The following SETBP1 variants were observed in gnomAD, a reference collection of about 807,000 sequenced individuals.
The protein encoded by SETBP1 is SET binding protein 1, also known as SET-binding protein.
SETBP1 carries 9 observed loss-of-function variants against 101.0 expected under a neutral mutation model. The observed-to-expected ratio is 0.09, with a 90% CI of 0.05 to 0.16. The LOEUF is 0.16. SETBP1 is among the 10% of genes least tolerant of loss of function. The pLI, the probability that SETBP1 is intolerant of heterozygous loss-of-function variation, is 1.00. For missense variants in SETBP1, 1,858 were observed against 2,033.8 expected, an observed-to-expected ratio of 0.91 and a Z score of 1.66; for synonymous variants, 818 against 788.5, an observed-to-expected ratio of 1.04 and a Z score of -0.63.
At chr18:44,915,453 C>T (rs2070404808) in intron 3 of SETBP1, among the ~76,000 whole-genome samples, 1 of 152,160 alleles carries the variant, frequency 6.6e-6, no homozygotes, top group Admixed American at 6.5e-5. Flanking sequence ...CTAAACACCA[C>T]GGGAATATAA....
intron 3 of SETBP1, among the ~76,000 whole-genome samples, chr18:44,932,308 G>A (rs891626102): frequency 1.1e-4 from 16 of 152,188 alleles, no homozygotes; most frequent in African/African-American, 2.7e-4. Flanking sequence ...TGAGAGATCC[G>A]CTGTTAGTCT....
At chr18:44,680,286 TCATCGCCATGGAGTTGCCG>T (rs1177439768), upstream of SETBP1, 1 of 149,470 alleles carries the variant, frequency 6.7e-6, no homozygotes, top group Non-Finnish European at 1.5e-5. Context: ...TGACAGATGC[TCATCGCCATGGAGTTGCCG>T]CAGCAGCACC....
At chr18:44,788,481 G>T (rs151284877) in intron 2 of SETBP1, among the ~76,000 whole-genome samples, 20 of 152,336 alleles carry the variant, frequency 1.3e-4, no homozygotes, top group African/African-American at 4.6e-4. Context: ...GGTTCTCATT[G>T]TGTTAACTTT....
At chr18:44,706,922 T>G (rs1478556248) in intron 2 of SETBP1, among the ~76,000 whole-genome samples, 2 of 152,162 alleles carry the variant, frequency 1.3e-5, no homozygotes. Context: ...AGAGGAAGAT[T>G]TTAGAAGAAA....
chr18:44,974,491 C>A (rs374370910), intron 4 of SETBP1, among the ~76,000 whole-genome samples: 8 of 152,264 alleles, frequency 5.3e-5, no homozygotes, highest in African/African-American at 1.9e-4. Flanking sequence ...TTCACCCTCA[C>A]CTGCTATGGT....
At chr18:44,726,157 C>T (rs1347035212) in intron 2 of SETBP1, among the ~76,000 whole-genome samples, 1 of 152,194 alleles carries the variant, frequency 6.6e-6, no homozygotes, top group Non-Finnish European at 1.5e-5. Context: ...GAAACCCTTA[C>T]ATAATTTTTA....
In SETBP1 at chr18:45,033,265, G is replaced by A. The variant is rs545071371; in HGVS notation, c.4001-5220G>A. Among the ~76,000 whole-genome samples, 257 of 152,308 alleles carry A rather than the reference G, an allele frequency of 1.7e-3. 1 individual carries two copies. Among genetic ancestry groups the A allele is most frequent in the African/African-American group, 6.0e-3 (250 of 41,568 alleles). ...CAAAAGTCTACTTGTTATAGGGAAA[G>A]AAAGAACATTGAATTAAGTCAAGAA... On this transcript the variant is annotated intron_variant, in intron 4 of 5. Coordinates refer to ENST00000649279, the MANE Select transcript of SETBP1 (RefSeq NM_015559.3).
intron 4 of SETBP1, among the ~76,000 whole-genome samples, chr18:44,999,041 C>T (rs1466302119): frequency 1.3e-5 from 2 of 152,178 alleles, no homozygotes; most frequent in South Asian, 4.1e-4. Flanking sequence ...CCTGATCATC[C>T]TTCTGGCCTC....
intron 4 of SETBP1, among the ~76,000 whole-genome samples, chr18:44,984,836 A>G (rs186341251): frequency 1.8e-4 from 27 of 152,318 alleles, no homozygotes; most frequent in African/African-American, 5.3e-4. Flanking sequence ...TTAAGTTTAC[A>G]TAATTCAAAG....
At chr18:44,681,971 A>T (rs528753017) in intron 1 of SETBP1, among the ~76,000 whole-genome samples, 1 of 152,176 alleles carries the variant, frequency 6.6e-6, no homozygotes, top group East Asian at 1.9e-4. Context: ...CCTCCTGCCA[A>T]CTATCCACAC....
At chr18:44,911,571 C>G (rs2070309733) in intron 3 of SETBP1, among the ~76,000 whole-genome samples, 1 of 152,208 alleles carries the variant, frequency 6.6e-6, no homozygotes, top group Non-Finnish European at 1.5e-5. Context: ...AGCATTTTAT[C>G]CAAGTTATAG....
chr18:44,855,283 GTTT>G (rs1285371188), intron 2 of SETBP1, among the ~76,000 whole-genome samples: 2 of 151,564 alleles, frequency 1.3e-5, no homozygotes, highest in African/African-American at 2.4e-5. Flanking sequence ...TCGTTTTGGG[GTTT>G]TTATTTGTTT....
intron 2 of SETBP1, among the ~76,000 whole-genome samples, chr18:44,720,186 C>T (rs1053948254): frequency 6.6e-6 from 1 of 152,178 alleles, no homozygotes; most frequent in Non-Finnish European, 1.5e-5. Context: ...TCCCTAACCA[C>T]CTGTGTTTCC....
chr18:44,984,933 G>A (rs2072196797), intron 4 of SETBP1, among the ~76,000 whole-genome samples: 1 of 152,158 alleles, frequency 6.6e-6, no homozygotes, highest in Admixed American at 6.5e-5. Context: ...CTGAGGTCAG[G>A]AGTTCGAGAC....
At chr18:44,917,115 C>T (rs1261907990) in intron 3 of SETBP1, among the ~76,000 whole-genome samples, 2 of 152,224 alleles carry the variant, frequency 1.3e-5, no homozygotes, top group African/African-American at 4.8e-5. Context: ...AGAGAACCTC[C>T]TGAATGTCCC....
intron 1 of SETBP1, among the ~76,000 whole-genome samples, chr18:44,696,968 C>G (rs1283748812): frequency 2.0e-5 from 3 of 152,224 alleles, no homozygotes; most frequent in Non-Finnish European, 4.4e-5. Flanking sequence ...CAATCCTCCT[C>G]CACTCCCAGC....
intron 2 of SETBP1, among the ~76,000 whole-genome samples, chr18:44,702,972 T>C (rs796884222): frequency 2.0e-5 from 3 of 152,356 alleles, no homozygotes; most frequent in African/African-American, 7.2e-5. Context: ...TGGTTGGTGG[T>C]GTCAATTGGT....
intron 2 of SETBP1, among the ~76,000 whole-genome samples, chr18:44,826,636 T>A (rs1006006785): frequency 6.6e-6 from 1 of 152,140 alleles, no homozygotes; most frequent in Non-Finnish European, 1.5e-5. Flanking sequence ...TTTTTTTTCC[T>A]GTTCCTGTTG....
chr18:45,056,942 AGTT>A (rs1260748035), intron 5 of SETBP1, among the ~76,000 whole-genome samples: 1 of 152,214 alleles, frequency 6.6e-6, no homozygotes, highest in Non-Finnish European at 1.5e-5. Context: ...CCTAAGAATA[AGTT>A]GTTGTTTGAA....
Sources: gnomAD v4.1 joint callset for allele counts (sites outside exome capture counted in the v4.1 genomes callset) on GRCh38, gnomAD v4.1.1 for gene constraint, MANE v1.5 for transcripts, NCBI Gene and HGNC (gene_info 2026-07-23, HGNC 2026-07-21) for gene names.